CNBD1: variants seen among roughly 807,000 people sequenced by gnomAD.
CNBD1 encodes the protein cyclic nucleotide binding domain containing 1.
A neutral mutation model predicts 54.4 loss-of-function variants in CNBD1; 71 were observed. The ratio of observed to expected loss-of-function variants is 1.30; its 90% CI spans 1.08 to 1.59. The LOEUF is 1.59. Ranked by LOEUF, CNBD1 falls within the 40% of genes most tolerant of loss-of-function variation. CNBD1 has a pLI of 0.00. For synonymous variants in CNBD1, 182 were observed against 170.7 expected, an observed-to-expected ratio of 1.07 and a Z score of -0.51; for missense variants, 659 against 518.0, an observed-to-expected ratio of 1.27 and a Z score of -2.64.
At chr8:87,049,561 C>T (rs1291590461) in intron 4 of CNBD1, among the ~76,000 whole-genome samples, 1 of 152,162 alleles carries the variant, frequency 6.6e-6, no homozygotes, top group Admixed American at 6.5e-5. Flanking sequence ...GAACTTCCAT[C>T]TGTGAAGACA....
intron 2 of CNBD1, among the ~76,000 whole-genome samples, chr8:87,422,243 T>C (rs1241774640): frequency 1.4e-5 from 2 of 146,002 alleles, no homozygotes; most frequent in African/African-American, 2.6e-5. Context: ...ACTCTGATGG[T>C]AGTTTCTTTT....
At chr8:87,120,183 T>A (rs1163593135) in intron 4 of CNBD1, among the ~76,000 whole-genome samples, 1 of 152,058 alleles carries the variant, frequency 6.6e-6, no homozygotes, top group Non-Finnish European at 1.5e-5. Context: ...TGTTAGAATT[T>A]GTCTGTGATT....
At chr8:87,060,742 A>T (rs1381767871) in intron 4 of CNBD1, among the ~76,000 whole-genome samples, 1 of 152,154 alleles carries the variant, frequency 6.6e-6, no homozygotes, top group African/African-American at 2.4e-5. Flanking sequence ...CTAAAATAAA[A>T]TTTTTAAAAT....
chr8:87,212,213 G>T (rs935193931), intron 5 of CNBD1, among the ~76,000 whole-genome samples: 7 of 151,988 alleles, frequency 4.6e-5, no homozygotes, highest in African/African-American at 1.7e-4. Flanking sequence ...ATTGTTGAAA[G>T]AAATTAAATA....
At chr8:86,868,224 C>G (rs536931386) in intron 1 of CNBD1, among the ~76,000 whole-genome samples, 16 of 152,270 alleles carry the variant, frequency 1.1e-4, no homozygotes, top group African/African-American at 3.9e-4. Context: ...TGCACATTTA[C>G]ATACCTAAAA....
At chr8:87,339,623 A>AT (rs1010906671) in intron 8 of CNBD1, among the ~76,000 whole-genome samples, 1 of 151,868 alleles carries the variant, frequency 6.6e-6, no homozygotes, top group Non-Finnish European at 1.5e-5. Context: ...CATTTTGTTA[A>AT]TTTTTTAAAG....
intron 6 of CNBD1, among the ~76,000 whole-genome samples, chr8:87,241,375 A>G (rs1180684092): frequency 7.1e-6 from 1 of 141,010 alleles, no homozygotes; most frequent in Non-Finnish European, 1.5e-5. Context: ...GGTTCACGTC[A>G]TTCTCCTGCT....
chr8:87,246,755 G>T (rs528220931), intron 6 of CNBD1, among the ~76,000 whole-genome samples: 40 of 152,210 alleles, frequency 2.6e-4, no homozygotes, highest in African/African-American at 9.1e-4. Context: ...TGTCACCAGA[G>T]ATCAGTGTTG....
intron 4 of CNBD1, among the ~76,000 whole-genome samples, chr8:86,994,517 G>A (rs1808826471): frequency 6.6e-6 from 1 of 152,220 alleles, no homozygotes; most frequent in South Asian, 2.1e-4. Flanking sequence ...ATCTGTCTCT[G>A]CCTACTCTCT....
At chr8:86,942,709 T>G (rs1384947386) in intron 4 of CNBD1, among the ~76,000 whole-genome samples, 2 of 152,238 alleles carry the variant, frequency 1.3e-5, no homozygotes, top group Non-Finnish European at 2.9e-5. Context: ...CCATCGGGTT[T>G]TGCAGTATTC....
intron 4 of CNBD1, among the ~76,000 whole-genome samples, chr8:87,125,412 G>A (rs1048497564): frequency 6.6e-6 from 1 of 151,624 alleles, no homozygotes; most frequent in Non-Finnish European, 1.5e-5. Flanking sequence ...AAATAGCATG[G>A]CGCCTGCATA....
At chr8:86,935,844 T>A (rs1001349033) in intron 3 of CNBD1, among the ~76,000 whole-genome samples, 8 of 152,006 alleles carry the variant, frequency 5.3e-5, no homozygotes, top group African/African-American at 1.9e-4. Flanking sequence ...TTTTCTTTTT[T>A]AAAAAACATG....
At chr8:87,109,388 G>A (rs1452610259) in intron 4 of CNBD1, among the ~76,000 whole-genome samples, 6 of 151,726 alleles carry the variant, frequency 4.0e-5, no homozygotes, top group Non-Finnish European at 8.8e-5. Flanking sequence ...GCTAAGATAC[G>A]GAAATAATAT....
At chr8:87,188,986 C>G (rs771852329) in intron 4 of CNBD1, among the ~76,000 whole-genome samples, 2 of 150,872 alleles carry the variant, frequency 1.3e-5, no homozygotes, top group African/African-American at 4.9e-5. Flanking sequence ...GAATGGTGTT[C>G]GTTTTTTTTT....
chr8:87,025,104 T>C (rs1809606653), intron 4 of CNBD1, among the ~76,000 whole-genome samples: 1 of 152,076 alleles, frequency 6.6e-6, no homozygotes, highest in African/African-American at 2.4e-5. Flanking sequence ...CTTTTGTGTC[T>C]AGCTAAAGGA....
intron 8 of CNBD1, among the ~76,000 whole-genome samples, chr8:87,309,498 C>A (rs1369942659): frequency 2.6e-5 from 4 of 152,058 alleles, no homozygotes; most frequent in African/African-American, 9.7e-5. Context: ...TTTATAACTG[C>A]CTTCATATGA....
intron 10 of CNBD1, among the ~76,000 whole-genome samples, chr8:87,358,413 G>C (rs759014089): frequency 6.6e-6 from 1 of 152,042 alleles, no homozygotes; most frequent in Non-Finnish European, 1.5e-5. Context: ...CAATTAAAAT[G>C]ACAATATTCT....
In CNBD1 at chr8:87,351,864, A is replaced by G. The variant is rs559581671; in HGVS notation, c.1152+70A>G. The G allele has an allele frequency of 3.7e-5, 48 of 1,283,526 alleles. No homozygotes were observed. The South Asian group carries it at 8.7e-4, about 23-fold the overall frequency. The allele number at this position is 1,283,526 out of a possible 1,614,324, so 79.5% of individuals were successfully genotyped here. On this transcript the variant is annotated intron_variant, in intron 9 of 10. Coordinates refer to ENST00000518476, the MANE Select transcript of CNBD1 (RefSeq NM_173538.3). ...AAAGAATAGTGTCAGATACCTTTTCATGTACTTACTAGACATTTATTTGTA... is the reference window on the plus strand; with the variant it reads ...AAAGAATAGTGTCAGATACCTTTTCGTGTACTTACTAGACATTTATTTGTA...
At chr8:87,411,203 TC>T (rs1268461982) in intron 2 of CNBD1, among the ~76,000 whole-genome samples, 1 of 151,620 alleles carries the variant, frequency 6.6e-6, no homozygotes, top group Non-Finnish European at 1.5e-5. Context: ...TGTATAGCCA[TC>T]CAAGGTCAGA....
Sources: allele counts gnomAD v4.1 joint callset (sites outside exome capture counted in the v4.1 genomes callset), GRCh38; gene constraint gnomAD v4.1.1; transcripts MANE v1.5; gene names NCBI Gene and HGNC (gene_info 2026-07-23, HGNC 2026-07-21).